Variants in ZNF322 observed in about 807,000 individuals in gnomAD.
The protein encoded by ZNF322 is HLA complex group 12.
Under a neutral mutation model 18.3 loss-of-function variants are expected in ZNF322, and 1 was observed. The ratio of observed to expected loss-of-function variants is 0.05; its 90% confidence interval spans 0.02 to 0.26. The LOEUF (loss-of-function observed/expected upper bound fraction) is 0.26. Ranked by LOEUF, ZNF322 falls within the 10% of genes least tolerant of loss-of-function variation. The probability of loss-of-function intolerance (pLI) is 1.00; values close to 1 mark genes in which losing one functional copy is unlikely to be tolerated. For missense variants in ZNF322, 36 were observed against 403.6 expected, an observed-to-expected ratio of 0.09 and a Z score of 7.80; for synonymous variants, 17 against 130.7, an observed-to-expected ratio of 0.13 and a Z score of 5.93.
chr6:26,655,829 G>A (rs964056621), intron 2 of ZNF322, among the ~76,000 whole-genome samples: 11 of 151,984 alleles, frequency 7.2e-5, no homozygotes, highest in African/African-American at 2.4e-4. Flanking sequence ...TTGCCCTTTT[G>A]CCATGAAATG....
intron 2 of ZNF322, among the ~76,000 whole-genome samples, chr6:26,648,662 A>G (rs1389591218): frequency 1.3e-5 from 2 of 152,244 alleles, no homozygotes; most frequent in African/African-American, 2.4e-5. Flanking sequence ...ACTAATTGGA[A>G]CACACAATGA....
intron 2 of ZNF322, among the ~76,000 whole-genome samples, chr6:26,657,488 C>T (rs1472413481): frequency 6.6e-6 from 1 of 152,096 alleles, no homozygotes; most frequent in African/African-American, 2.4e-5. Flanking sequence ...CCTCAAAAAG[C>T]AGCATACCCT....
At chr6:26,654,953 A>G (rs1765741450) in intron 2 of ZNF322, among the ~76,000 whole-genome samples, 1 of 152,194 alleles carries the variant, frequency 6.6e-6, no homozygotes, top group South Asian at 2.1e-4. Flanking sequence ...ATAAAACATC[A>G]TGAGCCTCCT....
At chr6:26,653,882 CTAAA>C (rs782458310) in intron 2 of ZNF322, among the ~76,000 whole-genome samples, 6 of 151,832 alleles carry the variant, frequency 4.0e-5, no homozygotes, top group African/African-American at 7.3e-5. Context: ...AACTAATGAA[CTAAA>C]TAGTCAAGAT....
intron 2 of ZNF322, among the ~76,000 whole-genome samples, chr6:26,656,632 G>A (rs111799435): frequency 1.9e-3 from 288 of 152,188 alleles, no homozygotes; most frequent in African/African-American, 6.7e-3. Flanking sequence ...AAGATATGCC[G>A]GGATACAGAC....
intron 3 of ZNF322, among the ~76,000 whole-genome samples, chr6:26,641,788 G>A (rs1468342844): frequency 6.6e-6 from 1 of 152,158 alleles, no homozygotes; most frequent in Non-Finnish European, 1.5e-5. Context: ...ACTGTGGAAG[G>A]CCGCAGGGAC....
At chr6:26,655,590 A>ATATATATGT (rs1297836019) in intron 2 of ZNF322, among the ~76,000 whole-genome samples, 3 of 152,192 alleles carry the variant, frequency 2.0e-5, no homozygotes, top group African/African-American at 7.2e-5. Flanking sequence ...GGAAAAATCT[A>ATATATATGT]TACATATGTA....
intron 2 of ZNF322, among the ~76,000 whole-genome samples, chr6:26,649,735 C>T (rs1765634958): frequency 9.9e-6 from 1 of 101,016 alleles, no homozygotes; most frequent in Non-Finnish European, 1.8e-5. Flanking sequence ...CTGAGTTTCG[C>T]TCTTGTTGCC....
intron 2 of ZNF322, among the ~76,000 whole-genome samples, chr6:26,649,716 T>TTG: frequency 7.8e-6 from 1 of 128,620 alleles, no homozygotes; most frequent in Non-Finnish European, 1.6e-5. Context: ...TTTTTTTTTT[T>TTG]TTTTGAGACT....
At chr6:26,642,689 T>C (rs1276956680) in intron 3 of ZNF322, among the ~76,000 whole-genome samples, 2 of 152,088 alleles carry the variant, frequency 1.3e-5, no homozygotes, top group East Asian at 3.9e-4. Context: ...ATTACTCCTA[T>C]TTTCTTTTAT....
intron 2 of ZNF322, among the ~76,000 whole-genome samples, chr6:26,649,982 C>T (rs2494713): frequency 0.46 from 68,832 of 151,096 alleles, 16,044 homozygotes; most frequent in East Asian, 0.68. Context: ...GGATTACAGG[C>T]GTGCGCCACT....
chr6:26,654,644 CATT>C (rs1765732350), intron 2 of ZNF322, among the ~76,000 whole-genome samples: 1 of 151,252 alleles, frequency 6.6e-6, no homozygotes, highest in African/African-American at 2.4e-5. Flanking sequence ...AATTTGTACT[CATT>C]AAAAAAAAGT....
intron 2 of ZNF322, among the ~76,000 whole-genome samples, chr6:26,649,675 G>GTGTATATATATATA (rs1465971500): frequency 2.2e-4 from 5 of 22,952 alleles, no homozygotes; most frequent in Admixed American, 1.3e-3. Context: ...GTGTGTGTGT[G>GTGTATATATATATA]TATATATATA....
At chr6:26,654,516 T>C (rs1278945521) in intron 2 of ZNF322, among the ~76,000 whole-genome samples, 1 of 152,088 alleles carries the variant, frequency 6.6e-6, no homozygotes, top group Non-Finnish European at 1.5e-5. Context: ...AGTGGTGCAA[T>C]ATGCCAGAAG....
chr6:26,651,682 C>A (rs1554149214), intron 2 of ZNF322, among the ~76,000 whole-genome samples: 1 of 152,076 alleles, frequency 6.6e-6, no homozygotes, highest in Non-Finnish European at 1.5e-5. Context: ...ATTGAGACAT[C>A]ATGTTCTACA....
At chr6:26,658,927 G>GT (rs1186561258) in intron 1 of ZNF322, 1 of 152,064 alleles carries the variant, frequency 6.6e-6, no homozygotes, top group African/African-American at 2.4e-5. Flanking sequence ...TTTTTCGTTT[G>GT]TTTTTTCTCC....
chr6:26,641,174 A>G (rs573573572), intron 3 of ZNF322, among the ~76,000 whole-genome samples: 18 of 152,354 alleles, frequency 1.2e-4, no homozygotes, highest in African/African-American at 4.1e-4. Context: ...TGCTACTTTT[A>G]CTCAATTTTA....
At chr6:26,657,053 C>G (rs1388762349) in intron 2 of ZNF322, among the ~76,000 whole-genome samples, 1 of 152,090 alleles carries the variant, frequency 6.6e-6, no homozygotes, top group African/African-American at 2.4e-5. Context: ...TTGAGACCAT[C>G]CTGGCTAACA....
At chr6:26,644,625 C>G (rs1765523317) in intron 2 of ZNF322, among the ~76,000 whole-genome samples, 1 of 152,110 alleles carries the variant, frequency 6.6e-6, no homozygotes, top group Non-Finnish European at 1.5e-5. Context: ...ATTTTAAATG[C>G]CATTCAACCA....
Sources: allele counts gnomAD v4.1 joint callset (sites outside exome capture counted in the v4.1 genomes callset), GRCh38; gene constraint gnomAD v4.1.1; transcripts MANE v1.5; gene names NCBI Gene and HGNC (gene_info 2026-07-23, HGNC 2026-07-21).